GALNT17: variants seen among roughly 807,000 people sequenced by gnomAD.
The protein encoded by GALNT17 is UDP-GalNAc:polypeptide N-acetylgalactosaminyltransferase-like 3.
A neutral mutation model predicts 63.7 loss-of-function variants in GALNT17; 29 were observed. That is an observed-to-expected ratio of 0.46 (90% CI 0.34 to 0.62). The LOEUF (loss-of-function observed/expected upper bound fraction) is 0.62. Among genes scored for constraint, GALNT17 ranks in the 20% least tolerant of loss-of-function variants. The pLI, the probability that GALNT17 is intolerant of heterozygous loss-of-function variation, is 0.01. For missense variants in GALNT17, 603 were observed against 799.6 expected, an observed-to-expected ratio of 0.75 and a Z score of 2.97; for synonymous variants, 305 against 318.3, an observed-to-expected ratio of 0.96 and a Z score of 0.45.
intron 8 of GALNT17, among the ~76,000 whole-genome samples, chr7:71,675,368 G>C (rs1447316725): frequency 2.0e-5 from 3 of 152,154 alleles, no homozygotes; most frequent in Non-Finnish European, 4.4e-5. Context: ...TGATAGATTT[G>C]ATTGCAGAAA....
intron 5 of GALNT17, among the ~76,000 whole-genome samples, chr7:71,552,534 A>T (rs1404785711): frequency 6.7e-6 from 1 of 149,284 alleles, no homozygotes; most frequent in East Asian, 2.0e-4. Context: ...TCTGCCTCCC[A>T]GGGTCAAGTA....
chr7:71,155,882 C>T (rs951012295), intron 1 of GALNT17, among the ~76,000 whole-genome samples: 6 of 151,824 alleles, frequency 4.0e-5, no homozygotes, highest in Non-Finnish European at 4.4e-5. Flanking sequence ...CCTCACTTTT[C>T]CTGGAGTGAG....
At chr7:71,585,183 T>C (rs1317647960) in intron 6 of GALNT17, among the ~76,000 whole-genome samples, 2 of 152,254 alleles carry the variant, frequency 1.3e-5, no homozygotes, top group Non-Finnish European at 2.9e-5. Context: ...AGCTCTGCTA[T>C]GAACTTCCTA....
intron 1 of GALNT17, among the ~76,000 whole-genome samples, chr7:71,212,104 C>T (rs1365005559): frequency 2.6e-5 from 4 of 152,214 alleles, no homozygotes; most frequent in Non-Finnish European, 4.4e-5. Flanking sequence ...CCTCCCATCA[C>T]AGGCCCAGAA....
At chr7:71,263,294 G>A (rs1331520174) in intron 1 of GALNT17, among the ~76,000 whole-genome samples, 2 of 152,074 alleles carry the variant, frequency 1.3e-5, no homozygotes, top group African/African-American at 4.8e-5. Context: ...GGGAGGCGGA[G>A]GTTGCAGTGA....
intron 5 of GALNT17, among the ~76,000 whole-genome samples, chr7:71,532,977 C>G (rs1314329060): frequency 1.3e-5 from 2 of 152,134 alleles, no homozygotes; most frequent in African/African-American, 2.4e-5. Context: ...CACCTACAAA[C>G]CCTGCATGAG....
intron 2 of GALNT17, among the ~76,000 whole-genome samples, chr7:71,336,067 A>G (rs1440096949): frequency 2.1e-4 from 23 of 111,882 alleles, no homozygotes; most frequent in Non-Finnish European, 3.1e-4. Context: ...TTTTTGAGAC[A>G]GAGTGTCGCT....
rs1267481328 is a variant in GALNT17, at chr7:71,184,987, CCTTCCTTCCT to C, written c.238+51948_238+51957del. Among the ~76,000 whole-genome samples the C allele has an allele frequency of 1.7e-3, 215 of 122,998 alleles. 1 individual carries two copies. The highest frequency in any genetic ancestry group is 7.3e-3 in the African/African-American group (208 of 28,538). 80.7% of individuals were successfully genotyped at this position (122,998 alleles called of 152,430 possible). On this transcript the variant is annotated intron_variant, in intron 1 of 10. Coordinates refer to ENST00000333538, the MANE Select transcript of GALNT17 (RefSeq NM_022479.3). Reference sequence around the variant, plus strand: ...TCCTTCCTTCCTTCCTTCCTTCCTTCCTTCCTTCCTTCTTCCTTCCCTCCCTCCCTCCTTC... The same window carrying C: ...TCCTTCCTTCCTTCCTTCCTTCCTTCTCTTCCTTCCCTCCCTCCCTCCTTC...
intron 5 of GALNT17, among the ~76,000 whole-genome samples, chr7:71,563,115 A>T (rs1390219749): frequency 1.3e-5 from 2 of 152,112 alleles, no homozygotes; most frequent in African/African-American, 4.8e-5. Context: ...GATTATTTTT[A>T]ATTTCTGTTC....
chr7:71,243,379 C>T (rs73190455), intron 1 of GALNT17, among the ~76,000 whole-genome samples: 7,088 of 152,096 alleles, frequency 0.047, 174 homozygotes, highest in Middle Eastern at 0.065. Context: ...TATGGCAGTG[C>T]GAAAATAGAC....
intron 9 of GALNT17, among the ~76,000 whole-genome samples, chr7:71,701,842 TGTATATATATATACACATATATATATAC>T (rs1562742462): frequency 8.5e-4 from 54 of 63,652 alleles, no homozygotes; most frequent in Middle Eastern, 6.1e-3. Context: ...TATATATATG[TGTATATATATATACACATATATATATAC>T]ATATATATAT....
intron 1 of GALNT17, among the ~76,000 whole-genome samples, chr7:71,261,730 G>A (rs1790389332): frequency 6.6e-6 from 1 of 152,218 alleles, no homozygotes; most frequent in African/African-American, 2.4e-5. Context: ...CAACCGTAAG[G>A]AACACTGGCT....
chr7:71,297,105 A>G (rs1414349745), intron 1 of GALNT17, among the ~76,000 whole-genome samples: 1 of 152,220 alleles, frequency 6.6e-6, no homozygotes, highest in South Asian at 2.1e-4. Context: ...CACTTTCGCC[A>G]GATGGAATAA....
intron 5 of GALNT17, among the ~76,000 whole-genome samples, chr7:71,510,606 C>T (rs1173753967): frequency 6.6e-6 from 1 of 152,184 alleles, no homozygotes; most frequent in Non-Finnish European, 1.5e-5. Flanking sequence ...AGGGCTTCAG[C>T]AGGTGTAGGG....
intron 5 of GALNT17, among the ~76,000 whole-genome samples, chr7:71,421,841 T>C (rs904804062): frequency 6.6e-6 from 1 of 151,844 alleles, no homozygotes. Flanking sequence ...TCCCAGCTAC[T>C]TGGGAGGCTG....
At chr7:71,512,306 C>T (rs1418708183) in intron 5 of GALNT17, among the ~76,000 whole-genome samples, 2 of 152,000 alleles carry the variant, frequency 1.3e-5, no homozygotes, top group African/African-American at 4.8e-5. Context: ...GTGCCCGGCC[C>T]TGGGTTGCAG....
At chr7:71,614,908 G>GA (rs1451575668) in intron 6 of GALNT17, among the ~76,000 whole-genome samples, 2 of 141,694 alleles carry the variant, frequency 1.4e-5, no homozygotes, top group Non-Finnish European at 3.1e-5. Flanking sequence ...AGGGAGGGAG[G>GA]AAGGGAGGGA....
intron 5 of GALNT17, among the ~76,000 whole-genome samples, chr7:71,541,510 G>A (rs1210900539): frequency 6.6e-6 from 1 of 151,972 alleles, no homozygotes; most frequent in Non-Finnish European, 1.5e-5. Flanking sequence ...CCGAGATCTC[G>A]CCACTGTATT....
chr7:71,277,420 G>A (rs1790701953), intron 1 of GALNT17, among the ~76,000 whole-genome samples: 1 of 152,176 alleles, frequency 6.6e-6, no homozygotes. Flanking sequence ...GAGTTGATGA[G>A]AAACCTAAAC....
Sources: gnomAD v4.1 joint callset for allele counts (sites outside exome capture counted in the v4.1 genomes callset) on GRCh38, gnomAD v4.1.1 for gene constraint, MANE v1.5 for transcripts, NCBI Gene and HGNC (gene_info 2026-07-23, HGNC 2026-07-21) for gene names.